The following FAM185A variants were observed in gnomAD, a reference collection of about 807,000 sequenced individuals.
FAM185A encodes the protein protein FAM185A.
In FAM185A, 21 loss-of-function variants were observed where a neutral mutation model predicts 45.7. The ratio of observed to expected loss-of-function variants is 0.46; its 90% CI spans 0.33 to 0.66. FAM185A has a LOEUF of 0.66. FAM185A is among the 30% of genes least tolerant of loss of function. FAM185A has a pLI of 0.03. For synonymous variants in FAM185A, 117 were observed against 194.0 expected (o/e 0.60, Z 3.30); for missense variants, 305 against 485.4 (o/e 0.63, Z 3.49).
intron 6 of FAM185A, among the ~76,000 whole-genome samples, chr7:102,786,126 A>G (rs1174985330): frequency 6.6e-6 from 1 of 152,152 alleles, no homozygotes. Flanking sequence ...CAAAACCACA[A>G]TGAGATACCA....
chr7:102,750,789 G>C (rs1038021435), intron 1 of FAM185A, among the ~76,000 whole-genome samples: 4 of 152,156 alleles, frequency 2.6e-5, no homozygotes, highest in Non-Finnish European at 4.4e-5. Flanking sequence ...TTTGTATACA[G>C]AGATGCCTGC....
chr7:102,830,019 C>G, the FAM185A span, among the ~76,000 whole-genome samples: 1 of 152,144 alleles, frequency 6.6e-6, no homozygotes, highest in Non-Finnish European at 1.5e-5. Flanking sequence ...CTTTCTACTC[C>G]TTTGTATCAG....
intron 2 of FAM185A, among the ~76,000 whole-genome samples, chr7:102,753,186 T>C (rs1793479386): frequency 6.6e-6 from 1 of 152,094 alleles, no homozygotes; most frequent in South Asian, 2.1e-4. Context: ...GAGGATATCA[T>C]AATTCTTTTT....
At chr7:102,786,025 T>C (rs1262916727) in intron 6 of FAM185A, among the ~76,000 whole-genome samples, 3 of 152,086 alleles carry the variant, frequency 2.0e-5, no homozygotes, top group Non-Finnish European at 2.9e-5. Context: ...ACAAAGGATA[T>C]GAACAGACAC....
the FAM185A span, among the ~76,000 whole-genome samples, chr7:102,834,177 C>G: frequency 6.7e-6 from 1 of 150,198 alleles, no homozygotes. Flanking sequence ...GAGGAAATTT[C>G]CTCCCCCAAA....
chr7:102,752,316 G>C (rs1348856841), intron 2 of FAM185A, among the ~76,000 whole-genome samples: 1 of 146,156 alleles, frequency 6.8e-6, no homozygotes, highest in Non-Finnish European at 1.5e-5. Context: ...TCTGTCACCA[G>C]GCTGGAGTGC....
chr7:102,758,646 C>G (rs1353371663), intron 3 of FAM185A, among the ~76,000 whole-genome samples: 1 of 151,710 alleles, frequency 6.6e-6, no homozygotes, highest in Non-Finnish European at 1.5e-5. Context: ...TTATTTTACA[C>G]TTATACAATT....
At chr7:102,786,841 A>AAAAAG (rs57986331) in intron 6 of FAM185A, among the ~76,000 whole-genome samples, 4 of 151,172 alleles carry the variant, frequency 2.6e-5, no homozygotes, top group African/African-American at 9.8e-5. Flanking sequence ...AAAAAAAAAA[A>AAAAAG]CATGGGCTTT....
At chr7:102,770,006 T>G (rs958300291) in intron 4 of FAM185A, among the ~76,000 whole-genome samples, 2 of 152,202 alleles carry the variant, frequency 1.3e-5, no homozygotes, top group Non-Finnish European at 2.9e-5. Context: ...TTCCAACACA[T>G]GAACTTTTGT....
At chr7:102,753,638 G>T (rs181075123) in intron 2 of FAM185A, among the ~76,000 whole-genome samples, 1,688 of 151,524 alleles carry the variant, frequency 0.011, 48 homozygotes, top group African/African-American at 0.039. Flanking sequence ...ACTGCTTTAT[G>T]CAAGTCCATC....
At chr7:102,850,564 T>C in the FAM185A span, among the ~76,000 whole-genome samples, 220 of 152,330 alleles carry the variant, frequency 1.4e-3, 2 homozygotes, top group African/African-American at 5.2e-3. Context: ...TATTCATAGA[T>C]AAAACTTTGT....
intron 4 of FAM185A, among the ~76,000 whole-genome samples, chr7:102,764,385 C>G (rs1338218053): frequency 6.9e-6 from 1 of 145,724 alleles, no homozygotes; most frequent in African/African-American, 2.6e-5. Context: ...TATGAACATG[C>G]TTTTGGAGTT....
chr7:102,825,560 C>T, the FAM185A span, among the ~76,000 whole-genome samples: 1 of 152,142 alleles, frequency 6.6e-6, no homozygotes, highest in Non-Finnish European at 1.5e-5. Context: ...TTATACACAA[C>T]AGAAAACGGA....
chr7:102,801,772 A>C (rs1796805699), intron 7 of FAM185A, among the ~76,000 whole-genome samples: 1 of 152,058 alleles, frequency 6.6e-6, no homozygotes, highest in South Asian at 2.1e-4. Flanking sequence ...TAAAAATATA[A>C]AAATTAGCCA....
At chr7:102,782,025 T>C (rs1359617865) in intron 6 of FAM185A, among the ~76,000 whole-genome samples, 1 of 152,158 alleles carries the variant, frequency 6.6e-6, no homozygotes, top group Non-Finnish European at 1.5e-5. Context: ...CCTCAGTAGC[T>C]GATTCGATCA....
the FAM185A span, among the ~76,000 whole-genome samples, chr7:102,815,037 C>G: frequency 2.6e-5 from 4 of 152,170 alleles, no homozygotes; most frequent in Non-Finnish European, 5.9e-5. Flanking sequence ...TTAAGACTTA[C>G]TGAAATATAA....
At chr7:102,822,145 T>A in the FAM185A span, 1 of 1,614,198 alleles carries the variant, frequency 6.2e-7, no homozygotes, top group East Asian at 2.2e-5. Flanking sequence ...ACCAGAGATA[T>A]CCAAAATGTG....
At chr7:102,762,550 A>G (rs1794172446) in intron 4 of FAM185A, among the ~76,000 whole-genome samples, 1 of 152,164 alleles carries the variant, frequency 6.6e-6, no homozygotes, top group Admixed American at 6.5e-5. Flanking sequence ...AAAGCTGGAT[A>G]TTGGTATCTG....
At position 102,777,177 on chromosome 7, in the gene FAM185A, G is replaced by C. The variant is rs1229258634; in HGVS notation, c.836-76G>C. The C allele has an allele frequency of 6.5e-6, 9 of 1,393,136 alleles. No homozygotes were observed. In the Admixed American group the frequency reaches 2.0e-4, roughly 31 times the overall value. The allele number at this position is 1,393,136 out of a possible 1,614,324, so 86.3% of individuals were successfully genotyped here. On this transcript the variant is annotated intron_variant, in intron 5 of 7. Coordinates refer to ENST00000413034, the MANE Select transcript of FAM185A (RefSeq NM_001145268.2). ...AGCCCCTTATCCTAATGCTAAAGCAGAGCCTTTTATTTTAAGTTTGTAATT... is the reference window on the plus strand; with the variant it reads ...AGCCCCTTATCCTAATGCTAAAGCACAGCCTTTTATTTTAAGTTTGTAATT...
Sources: gnomAD v4.1 joint callset for allele counts (sites outside exome capture counted in the v4.1 genomes callset) on GRCh38, gnomAD v4.1.1 for gene constraint, MANE v1.5 for transcripts, NCBI Gene and HGNC (gene_info 2026-07-23, HGNC 2026-07-21) for gene names.